SLC17A5: variants seen among roughly 807,000 people sequenced by gnomAD.
The protein encoded by SLC17A5 is sialin.
SLC17A5 carries 47 observed loss-of-function variants against 59.4 expected under a neutral mutation model. The ratio of observed to expected loss-of-function variants is 0.79; its 90% confidence interval spans 0.63 to 1.01. The LOEUF (loss-of-function observed/expected upper bound fraction) is 1.01. Among genes scored for constraint, SLC17A5 ranks in the 50% least tolerant of loss-of-function variants. The probability of loss-of-function intolerance (pLI) is 0.00; values close to 1 mark genes in which losing one functional copy is unlikely to be tolerated. For synonymous variants in SLC17A5, 202 were observed against 210.7 expected (o/e 0.96, Z 0.36); for missense variants, 522 against 595.5 (o/e 0.88, Z 1.28).
At position 73,615,305 on chromosome 6, in the gene SLC17A5, C is replaced by A; in HGVS notation, c.1111+10G>T. The A allele has an allele frequency of 6.2e-7, 1 of 1,613,874 alleles. No homozygotes were observed. The highest frequency in any genetic ancestry group is 8.5e-7 in the Non-Finnish European group (1 of 1,179,936). ...TGTAAACCAAAACAAAACCTGATTG[C>A]TTCACTTACCTATAAGGCTAAAAAT... On this transcript the variant is annotated intron_variant, in intron 8 of 10. Coordinates refer to ENST00000355773, the MANE Select transcript of SLC17A5 (RefSeq NM_012434.5).
chr6:73,651,781 G>A (rs960904144), intron 1 of SLC17A5, among the ~76,000 whole-genome samples: 2 of 152,064 alleles, frequency 1.3e-5, no homozygotes, highest in Admixed American at 6.5e-5. Context: ...TCGGTCTGCT[G>A]ACCTCAGGTG....
intron 1 of SLC17A5, among the ~76,000 whole-genome samples, chr6:73,646,307 T>C (rs1255799311): frequency 6.6e-6 from 1 of 152,212 alleles, no homozygotes; most frequent in Admixed American, 6.5e-5. Flanking sequence ...TTAATGAATA[T>C]GCACAACTAT....
At chr6:73,611,677 T>G (rs1459746419) in intron 8 of SLC17A5, among the ~76,000 whole-genome samples, 1 of 152,000 alleles carries the variant, frequency 6.6e-6, no homozygotes, top group Non-Finnish European at 1.5e-5. Context: ...CAGTTAAGCG[T>G]AAAATATGAG....
At chr6:73,638,820 A>T (rs1442982916) in intron 3 of SLC17A5, among the ~76,000 whole-genome samples, 1 of 152,026 alleles carries the variant, frequency 6.6e-6, no homozygotes, top group Admixed American at 6.6e-5. Context: ...AAAAAAAGTA[A>T]AACTCCCCAA....
intron 9 of SLC17A5, among the ~76,000 whole-genome samples, chr6:73,605,667 A>ACT (rs1167319510): frequency 7.3e-5 from 11 of 151,268 alleles, no homozygotes. Context: ...ACACACACAC[A>ACT]CTAAGGGAGA....
intron 9 of SLC17A5, among the ~76,000 whole-genome samples, chr6:73,607,483 C>G (rs1767446340): frequency 1.3e-5 from 2 of 152,094 alleles, no homozygotes; most frequent in South Asian, 4.1e-4. Flanking sequence ...CCAGGCTGGT[C>G]TTGAACTCCT....
chr6:73,607,031 G>A (rs1767421471), intron 9 of SLC17A5, among the ~76,000 whole-genome samples: 1 of 152,126 alleles, frequency 6.6e-6, no homozygotes, highest in African/African-American at 2.4e-5. Flanking sequence ...TTTCCTTTCT[G>A]AAAGCACACC....
At chr6:73,626,243 C>T (rs1262103369) in intron 6 of SLC17A5, among the ~76,000 whole-genome samples, 3 of 152,168 alleles carry the variant, frequency 2.0e-5, no homozygotes, top group South Asian at 2.1e-4. Context: ...AATCACCCAA[C>T]CAAGATGAGC....
chr6:73,610,454 A>G lies in SLC17A5; in HGVS notation c.1205T>C (p.Leu402Pro). The change falls in exon 9 of 11, where the codon CTG (leucine) becomes CCG (proline). Residue 402 changes from leucine to proline, a missense_variant. Around this residue, in one of 3 missense-constraint regions of SLC17A5, gnomAD observed 153 missense variants for 168.5 expected, o/e 0.91. Transcript: ENST00000355773. ...AVAFLTISTT[L>P]GGFCSSGFSI... ...AAATCCAGAAGAGCAAAAGCCTCCCAGTGTTGTTGATATAGTTAGGAAAGC... is the reference window on the plus strand; with the variant it reads ...AAATCCAGAAGAGCAAAAGCCTCCCGGTGTTGTTGATATAGTTAGGAAAGC... 6.2e-7 allele frequency: 1 copy of G among 1,614,184 alleles called. No homozygotes were observed. The highest frequency in any genetic ancestry group is 8.5e-7 in the Non-Finnish European group (1 of 1,180,018).
At chr6:73,616,385 A>G (rs371698630) in intron 7 of SLC17A5, among the ~76,000 whole-genome samples, 7 of 152,054 alleles carry the variant, frequency 4.6e-5, no homozygotes, top group African/African-American at 7.3e-5. Context: ...AGACACTTCG[A>G]TTTAGTCTTG....
At chr6:73,635,215 T>G in intron 6 of SLC17A5, 167 bp downstream of exon 6, 1 of 527,478 alleles carries the variant, frequency 1.9e-6, no homozygotes, top group Non-Finnish European at 3.4e-6. Flanking sequence ...ATTACAAGTG[T>G]GAGCCACTGC....
Position 73,603,878 on chromosome 6 carries a change from T to C in SLC17A5, c.1260-3437A>G, listed in dbSNP as rs180710473. The stretch of plus-strand genomic sequence containing the variant: ...TAGACTCTAGATCCTAGGGGGTTCA[T>C]TAGATTTAGGTTTAATGTTTTTGGT... On this transcript the variant is annotated intron_variant, in intron 9 of 10. Transcript: ENST00000355773. Among the ~76,000 whole-genome samples, 9 of 152,056 alleles carry C rather than the reference T, an allele frequency of 5.9e-5. No individual in the cohort carries two copies. In the East Asian group the frequency reaches 1.7e-3, roughly 29 times the overall value.
chr6:73,643,696 C>T (rs1428832949), intron 2 of SLC17A5, among the ~76,000 whole-genome samples: 1 of 151,994 alleles, frequency 6.6e-6, no homozygotes. Context: ...AGGCTGGTCT[C>T]GAACTACTCA....
At chr6:73,653,563 G>A (rs1418210757) in intron 1 of SLC17A5, 3 of 850,616 alleles carry the variant, frequency 3.5e-6, no homozygotes, top group Non-Finnish European at 4.2e-6. Flanking sequence ...GCCCCGGCTC[G>A]GCTCCGCGAT....
At position 73,620,722 on chromosome 6, in the gene SLC17A5, A is replaced by AT. The variant is rs111877603; in HGVS notation, c.978+1081dup. 2.6e-3 allele frequency among the ~76,000 whole-genome samples: 374 copies of AT among 141,460 alleles called. 1 individual carries two copies. Among genetic ancestry groups the AT allele is most frequent in the African/African-American group, 5.0e-3 (195 of 38,962 alleles). The allele number at this position is 141,460 out of a possible 152,430, so 92.8% of individuals were successfully genotyped here. A position where few individuals can be genotyped will look rare whatever the true frequency, so the allele number is the denominator to read the frequency against. On this transcript the variant is annotated intron_variant, in intron 7 of 10. Coordinates refer to ENST00000355773, the MANE Select transcript of SLC17A5 (RefSeq NM_012434.5). ...CAGTTGTGCAGTCAGCCTTGTTAGC[A>AT]TTTTTTTTTTTTTTCCTGGGACAGA...
At chr6:73,634,024 T>C (rs1202825449) in intron 6 of SLC17A5, among the ~76,000 whole-genome samples, 1 of 152,170 alleles carries the variant, frequency 6.6e-6, no homozygotes, top group East Asian at 1.9e-4. Context: ...TTTTAATCTT[T>C]CCTAATGTTT....
At chr6:73,612,228 T>A (rs1216614927) in intron 8 of SLC17A5, among the ~76,000 whole-genome samples, 1 of 151,706 alleles carries the variant, frequency 6.6e-6, no homozygotes, top group Non-Finnish European at 1.5e-5. Context: ...AGTGGCGAAA[T>A]CTTGGCTCAC....
chr6:73,595,948 ACG>A (rs1561982388), intron 10 of SLC17A5, among the ~76,000 whole-genome samples: 72 of 3,268 alleles, frequency 0.022, no homozygotes, highest in African/African-American at 0.065. Context: ...ATATATATAT[ACG>A]TATATATATA....
chr6:73,596,880 G>T (rs919747667), intron 10 of SLC17A5, among the ~76,000 whole-genome samples: 45 of 105,298 alleles, frequency 4.3e-4, no homozygotes, highest in African/African-American at 1.2e-3. Context: ...AACAAAACTG[G>T]TTGGGCGTGG....
Sources: gnomAD v4.1 joint callset for allele counts (sites outside exome capture counted in the v4.1 genomes callset) on GRCh38, gnomAD v4.1.1 for gene constraint, gnomAD v4.1.1 regional missense constraint, MANE v1.5 for transcripts, NCBI Gene and HGNC (gene_info 2026-07-23, HGNC 2026-07-21) for gene names.